The following FARS2 variants were observed in gnomAD, a reference collection of about 807,000 sequenced individuals.
FARS2 encodes phenylalanine--tRNA ligase, mitochondrial.
A neutral mutation model predicts 46.4 loss-of-function variants in FARS2; 40 were observed. The observed-to-expected ratio is 0.86, with a 90% confidence interval of 0.67 to 1.12. FARS2 has a LOEUF of 1.12. Ranked by LOEUF, FARS2 falls within the 50% of genes most tolerant of loss-of-function variation. The pLI is 0.00. For synonymous variants in FARS2, 234 were observed against 214.9 expected (o/e 1.09, Z -0.78); for missense variants, 513 against 567.9 (o/e 0.90, Z 0.98).
intron 4 of FARS2, among the ~76,000 whole-genome samples, chr6:5,495,328 T>C (rs769327106): frequency 1.3e-5 from 2 of 152,246 alleles, no homozygotes; most frequent in Non-Finnish European, 2.9e-5. Flanking sequence ...ATCGTCGTAA[T>C]TCTCAAACTT....
At chr6:5,546,541 C>A (rs4451185) in intron 5 of FARS2, among the ~76,000 whole-genome samples, 117,496 of 151,530 alleles carry the variant, frequency 0.78, 46,066 homozygotes, top group East Asian at 0.92. Flanking sequence ...TGAGCCACTG[C>A]GCCCAGCCCT....
At chr6:5,332,434 G>C (rs1770861940) in intron 1 of FARS2, among the ~76,000 whole-genome samples, 1 of 152,180 alleles carries the variant, frequency 6.6e-6, no homozygotes, top group Admixed American at 6.5e-5. Context: ...TTATAAAAAA[G>C]AAATGAGCAG....
intron 4 of FARS2, among the ~76,000 whole-genome samples, chr6:5,490,429 G>T (rs986782220): frequency 2.0e-5 from 3 of 152,052 alleles, no homozygotes; most frequent in South Asian, 2.1e-4. Flanking sequence ...GGGAGTGAAG[G>T]GTCATATAGG....
At chr6:5,690,131 T>A (rs1757583900) in intron 6 of FARS2, among the ~76,000 whole-genome samples, 1 of 152,238 alleles carries the variant, frequency 6.6e-6, no homozygotes, top group Non-Finnish European at 1.5e-5. Flanking sequence ...AGCACACTGA[T>A]GGGTCTTGAC....
intron 1 of FARS2, among the ~76,000 whole-genome samples, chr6:5,298,373 GGGGTTGGGGGT>G (rs1296222941): frequency 6.6e-6 from 1 of 152,178 alleles, no homozygotes; most frequent in African/African-American, 2.4e-5. Context: ...CCCCACTCCT[GGGGTTGGGGGT>G]GGGTGGCTTG....
intron 6 of FARS2, among the ~76,000 whole-genome samples, chr6:5,760,859 C>T (rs1283250256): frequency 3.3e-5 from 5 of 152,230 alleles, no homozygotes; most frequent in African/African-American, 1.2e-4. Context: ...GCTCTGATCG[C>T]TCCTGGACAG....
chr6:5,659,537 T>A (rs1401943720), intron 6 of FARS2, among the ~76,000 whole-genome samples: 4 of 152,220 alleles, frequency 2.6e-5, no homozygotes, highest in Non-Finnish European at 2.9e-5. Context: ...TTCAGCTTCT[T>A]ATCCATCCAC....
chr6:5,520,383 C>G (rs574992714), intron 4 of FARS2, among the ~76,000 whole-genome samples: 9 of 152,284 alleles, frequency 5.9e-5, no homozygotes, highest in South Asian at 4.1e-4. Flanking sequence ...GTGCTTGTGT[C>G]TTGCTTTCTT....
chr6:5,746,196 C>T (rs1338184772), intron 6 of FARS2, among the ~76,000 whole-genome samples: 2 of 152,182 alleles, frequency 1.3e-5, no homozygotes, highest in Non-Finnish European at 2.9e-5. Flanking sequence ...GAGACCAACC[C>T]AAAGCCAGGC....
At chr6:5,586,405 G>C (rs754432118) in intron 5 of FARS2, among the ~76,000 whole-genome samples, 2 of 152,018 alleles carry the variant, frequency 1.3e-5, no homozygotes, top group African/African-American at 2.4e-5. Flanking sequence ...ATCATGAAAG[G>C]GTTGCATGTT....
intron 2 of FARS2, among the ~76,000 whole-genome samples, chr6:5,377,671 T>C (rs1413435292): frequency 1.3e-5 from 2 of 152,186 alleles, no homozygotes; most frequent in Non-Finnish European, 1.5e-5. Flanking sequence ...GACCGAGTTT[T>C]TGTTGATTTT....
At chr6:5,492,081 A>G (rs946178267) in intron 4 of FARS2, among the ~76,000 whole-genome samples, 1 of 152,244 alleles carries the variant, frequency 6.6e-6, no homozygotes, top group Non-Finnish European at 1.5e-5. Flanking sequence ...CTCATTTTCT[A>G]TGAAACGGTA....
intron 2 of FARS2, among the ~76,000 whole-genome samples, chr6:5,400,847 T>A (rs1042985051): frequency 6.6e-6 from 1 of 152,048 alleles, no homozygotes; most frequent in African/African-American, 2.4e-5. Flanking sequence ...AGGTAATAAT[T>A]GTCTTATTGA....
chr6:5,709,851 C>T (rs1759030773), intron 6 of FARS2, among the ~76,000 whole-genome samples: 1 of 152,108 alleles, frequency 6.6e-6, no homozygotes, highest in Non-Finnish European at 1.5e-5. Context: ...ACCTTCCACC[C>T]TTGTTAGCCA....
At chr6:5,300,858 T>A (rs1330776831) in intron 1 of FARS2, among the ~76,000 whole-genome samples, 7 of 151,758 alleles carry the variant, frequency 4.6e-5, no homozygotes, top group South Asian at 2.1e-4. Flanking sequence ...TTTAAAAAAT[T>A]TTTTTTTGTA....
chr6:5,423,380 G>A (rs754896156), intron 3 of FARS2, among the ~76,000 whole-genome samples: 10 of 152,002 alleles, frequency 6.6e-5, no homozygotes, highest in Non-Finnish European at 1.2e-4. Context: ...TCATTGTGAG[G>A]TAGAGAAACG....
chr6:5,518,920 A>G (rs1362827203), intron 4 of FARS2, among the ~76,000 whole-genome samples: 1 of 152,168 alleles, frequency 6.6e-6, no homozygotes, highest in African/African-American at 2.4e-5. Flanking sequence ...AGCACTTGCA[A>G]TTTTGTTGAA....
chr6:5,517,509 G>A (rs949604757), intron 4 of FARS2, among the ~76,000 whole-genome samples: 1 of 152,152 alleles, frequency 6.6e-6, no homozygotes, highest in South Asian at 2.1e-4. Flanking sequence ...GCTACCGGGA[G>A]GCTGAGGCAG....
intron 6 of FARS2, among the ~76,000 whole-genome samples, chr6:5,733,730 A>G (rs1469272769): frequency 2.6e-5 from 4 of 152,202 alleles, no homozygotes; most frequent in African/African-American, 7.2e-5. Flanking sequence ...TCATGAAATC[A>G]GATCAGAGAT....
Sources: allele counts gnomAD v4.1 joint callset (sites outside exome capture counted in the v4.1 genomes callset), GRCh38; gene constraint gnomAD v4.1.1; transcripts MANE v1.5; gene names NCBI Gene and HGNC (gene_info 2026-07-23, HGNC 2026-07-21).